Variants in OTUD7A observed in about 807,000 individuals in gnomAD.
The protein encoded by OTUD7A is OTU domain-containing protein 7A.
In OTUD7A, 12 loss-of-function variants were observed where a neutral mutation model predicts 65.7. That is an observed-to-expected ratio of 0.18 (90% CI 0.12 to 0.30). The LOEUF is 0.30. Ranked by LOEUF, OTUD7A falls within the 10% of genes least tolerant of loss-of-function variation. The pLI, the probability that OTUD7A is intolerant of heterozygous loss-of-function variation, is 1.00. For synonymous variants in OTUD7A, 641 were observed against 586.3 expected (o/e 1.09, Z -1.35); for missense variants, 1,148 against 1,304.8 (o/e 0.88, Z 1.85).
At chr15:31,817,566 C>G (rs1468230479) in intron 1 of OTUD7A, among the ~76,000 whole-genome samples, 1 of 152,154 alleles carries the variant, frequency 6.6e-6, no homozygotes, top group East Asian at 1.9e-4. Context: ...GGCTTTTGTT[C>G]TCCTGTGGGC....
chr15:31,749,381 T>G (rs1028920425), intron 1 of OTUD7A, among the ~76,000 whole-genome samples: 1 of 152,186 alleles, frequency 6.6e-6, no homozygotes, highest in Non-Finnish European at 1.5e-5. Context: ...ACATCCACTT[T>G]GGAAAACAGT....
intron 5 of OTUD7A, among the ~76,000 whole-genome samples, chr15:31,540,696 A>C (rs1029979340): frequency 1.3e-5 from 2 of 152,236 alleles, no homozygotes; most frequent in Admixed American, 6.5e-5. Flanking sequence ...ATACAGGTCC[A>C]AAATCCTGAG....
At chr15:31,787,700 T>C (rs908690104) in intron 1 of OTUD7A, 12 of 152,206 alleles carry the variant, frequency 7.9e-5, no homozygotes, top group African/African-American at 2.9e-4. Context: ...GAGAAACCCT[T>C]TGAATAAAAA....
chr15:31,684,513 G>A (rs1263338254), intron 1 of OTUD7A, among the ~76,000 whole-genome samples: 11 of 152,076 alleles, frequency 7.2e-5, no homozygotes, highest in Admixed American at 1.3e-4. Context: ...CAACCAAAAT[G>A]TGAGTTGAGG....
chr15:31,626,478 A>G (rs549713517), intron 3 of OTUD7A, among the ~76,000 whole-genome samples: 2 of 152,284 alleles, frequency 1.3e-5, no homozygotes, highest in Admixed American at 6.5e-5. Context: ...TGGGGAAAAT[A>G]TTTGAGAGTG....
intron 3 of OTUD7A, among the ~76,000 whole-genome samples, chr15:31,651,566 C>A: frequency 7.1e-6 from 1 of 140,496 alleles, no homozygotes; most frequent in East Asian, 2.2e-4. Flanking sequence ...GTAGAAAATC[C>A]CAAGGAACAC....
intron 1 of OTUD7A, among the ~76,000 whole-genome samples, chr15:31,668,066 G>A (rs571176667): frequency 6.6e-6 from 1 of 152,292 alleles, no homozygotes; most frequent in East Asian, 1.9e-4. Flanking sequence ...CTGTCTCACA[G>A]CTCTTAAGAT....
intron 4 of OTUD7A, among the ~76,000 whole-genome samples, chr15:31,566,180 G>T (rs1429913895): frequency 6.9e-6 from 1 of 144,844 alleles, no homozygotes; most frequent in African/African-American, 2.6e-5. Flanking sequence ...GACAGAGTGA[G>T]ACTCCATCTC....
intron 8 of OTUD7A, among the ~76,000 whole-genome samples, chr15:31,524,809 T>G (rs1024816087): frequency 6.6e-6 from 1 of 152,150 alleles, no homozygotes; most frequent in African/African-American, 2.4e-5. Flanking sequence ...ATCCTTTTGT[T>G]AGATTAAGGT....
chr15:31,679,252 A>G (rs1486496794), intron 1 of OTUD7A, among the ~76,000 whole-genome samples: 1 of 152,182 alleles, frequency 6.6e-6, no homozygotes, highest in Non-Finnish European at 1.5e-5. Flanking sequence ...GGCATAAGGG[A>G]CTTGCCTTGT....
At chr15:31,494,897 A>T (rs912188811) in intron 10 of OTUD7A, among the ~76,000 whole-genome samples, 2 of 152,198 alleles carry the variant, frequency 1.3e-5, no homozygotes, top group Admixed American at 6.5e-5. Context: ...AGTACCATGC[A>T]TGGGAGCATG....
chr15:31,748,820 T>C (rs187759816), intron 1 of OTUD7A, among the ~76,000 whole-genome samples: 6 of 152,268 alleles, frequency 3.9e-5, no homozygotes, highest in Non-Finnish European at 7.4e-5. Flanking sequence ...TGCGTCAATA[T>C]ATCACAATTT....
chr15:31,762,582 G>T (rs1363345962), intron 1 of OTUD7A, among the ~76,000 whole-genome samples: 1 of 152,194 alleles, frequency 6.6e-6, no homozygotes, highest in South Asian at 2.1e-4. Context: ...TTTGATTATA[G>T]AACTATAGGA....
At chr15:31,531,520 C>CAAAAAAAAAAAAAAAAAAAAAAAA (rs60332452) in intron 5 of OTUD7A, among the ~76,000 whole-genome samples, 4 of 80,160 alleles carry the variant, frequency 5.0e-5, no homozygotes, top group African/African-American at 1.3e-4. Flanking sequence ...GAGTAGGCCA[C>CAAAAAAAAAAAAAAAAAAAAAAAA]AAAAAAAAAA....
chr15:31,746,658 G>A (rs1034929965), intron 1 of OTUD7A, among the ~76,000 whole-genome samples: 2 of 151,892 alleles, frequency 1.3e-5, no homozygotes, highest in South Asian at 2.1e-4. Context: ...CACCACACCA[G>A]GCTAATTTTG....
intron 8 of OTUD7A, among the ~76,000 whole-genome samples, chr15:31,511,734 C>CAT (rs879850342): frequency 0.06 from 8,784 of 146,474 alleles, 3,836 homozygotes; most frequent in South Asian, 0.12. Flanking sequence ...CTATATGTAA[C>CAT]ACACATATAT....
At chr15:31,601,084 T>G (rs1890059327) in intron 3 of OTUD7A, among the ~76,000 whole-genome samples, 1 of 152,116 alleles carries the variant, frequency 6.6e-6, no homozygotes, top group South Asian at 2.1e-4. Context: ...ATTCAGGACT[T>G]GAACTCAGCT....
At chr15:31,684,031 A>G (rs1442302382) in intron 1 of OTUD7A, among the ~76,000 whole-genome samples, 1 of 152,238 alleles carries the variant, frequency 6.6e-6, no homozygotes, top group African/African-American at 2.4e-5. Flanking sequence ...GCAGCCCTGG[A>G]TGATGTAGCC....
At chr15:31,551,313 A>C (rs1464705409) in intron 5 of OTUD7A, among the ~76,000 whole-genome samples, 2 of 152,156 alleles carry the variant, frequency 1.3e-5, no homozygotes, top group African/African-American at 2.4e-5. Flanking sequence ...GAACATGCAA[A>C]GTTTCATGGT....
Sources: gnomAD v4.1 joint callset for allele counts (sites outside exome capture counted in the v4.1 genomes callset) on GRCh38, gnomAD v4.1.1 for gene constraint, MANE v1.5 for transcripts, NCBI Gene and HGNC (gene_info 2026-07-23, HGNC 2026-07-21) for gene names.